The following BRF1 variants were observed in gnomAD, a reference collection of about 807,000 sequenced individuals.
The protein encoded by BRF1 is transcription factor IIIB 90 kDa subunit.
A neutral mutation model predicts 81.7 loss-of-function variants in BRF1; 59 were observed. That is an observed-to-expected ratio of 0.72 (90% CI 0.59 to 0.90). The LOEUF (loss-of-function observed/expected upper bound fraction) is 0.90, where lower values mean the gene tolerates loss of function less well. Among genes scored for constraint, BRF1 ranks in the 40% least tolerant of loss-of-function variants. BRF1 has a pLI of 0.00. For missense variants in BRF1, 1,050 were observed against 936.3 expected (o/e 1.12, Z -1.58); for synonymous variants, 491 against 395.6 (o/e 1.24, Z -2.86).
chr14:105,212,089 C>A, intron 16 of BRF1, 24 bp downstream of exon 16: 2 of 1,611,122 alleles, frequency 1.2e-6, no homozygotes, highest in Non-Finnish European at 1.7e-6. Context: ...GGTCTCCCTG[C>A]CCTGGCTGCG....
At chr14:105,301,265 C>T (rs941154872), upstream of BRF1, 8 of 148,668 alleles carry the variant, frequency 5.4e-5, no homozygotes, top group African/African-American at 1.5e-4. Context: ...TGAGCGCGGT[C>T]TCCAGCGGCG....
At chr14:105,260,390 G>A (rs923373957) in intron 3 of BRF1, among the ~76,000 whole-genome samples, 7 of 150,756 alleles carry the variant, frequency 4.6e-5, no homozygotes, top group Non-Finnish European at 7.4e-5. Flanking sequence ...TTTTTTTCCC[G>A]AGATGAAGTC....
intron 5 of BRF1, chr14:105,250,015 CA>C: frequency 1.2e-6 from 2 of 1,612,918 alleles, no homozygotes; most frequent in Non-Finnish European, 8.5e-7. Flanking sequence ...GGCTGCCAAT[CA>C]CCCCACGAAA....
chr14:105,254,150 G>A (rs991417527), intron 4 of BRF1, among the ~76,000 whole-genome samples: 1 of 152,226 alleles, frequency 6.6e-6, no homozygotes. Context: ...CAGAGACACA[G>A]GGATCAATGA....
chr14:105,296,269 A>G (rs2057740172), intron 1 of BRF1, among the ~76,000 whole-genome samples: 2 of 152,112 alleles, frequency 1.3e-5, no homozygotes, highest in South Asian at 4.1e-4. Flanking sequence ...TCACACCTGT[A>G]ATCCCAGGAC....
chr14:105,210,504 AC>A lies in BRF1; in HGVS notation c.*46del, dbSNP rs1682159417. 4 of 1,601,832 alleles carry A rather than the reference AC, an allele frequency of 2.5e-6. 1 individual carries two copies. The Admixed American group carries it at 6.7e-5, about 27-fold the overall frequency. On this transcript the variant is annotated 3_prime_UTR_variant, in exon 18 of 18. Transcript: ENST00000547530. The surrounding 1 kb of genome is among the most constrained non-coding windows in gnomAD (Gnocchi z 4.7). Reference sequence around the variant, plus strand: ...TGGAAGCCCGTCTGATGCTGAGGAGACCCGCGAGGCCCCCTGCCAGGACATC... The same window carrying A: ...TGGAAGCCCGTCTGATGCTGAGGAGACCGCGAGGCCCCCTGCCAGGACATC...
Position 105,220,083 on chromosome 14 carries a change from G to C in BRF1, c.1363C>G (p.Leu455Val). The C allele has an allele frequency of 6.2e-7, 1 of 1,613,166 alleles. No homozygotes were observed. The highest frequency in any genetic ancestry group is 2.2e-5 in the East Asian group (1 of 44,876). Residue 455 changes from leucine to valine, a missense_variant, in exon 12 of 18, where the codon CTG (leucine) becomes GTG (valine). By Grantham distance (32) the Leu-to-Val change is conservative. Coordinates refer to ENST00000547530, the MANE Select transcript of BRF1 (RefSeq NM_001519.4). ...GELDLSGIDD[L>V]EIDRYILNES... ...CTGCCACGTACCCTGTCAATCTCCA[G>C]GTCATCAATGCCACTGAGGTCCAGC...
At chr14:105,224,816 A>C (rs1278616495) in intron 10 of BRF1, among the ~76,000 whole-genome samples, 1 of 152,158 alleles carries the variant, frequency 6.6e-6, no homozygotes, top group Non-Finnish European at 1.5e-5. Flanking sequence ...AAGTGCTGCG[A>C]TTACAGGCAT....
rs1891366009 is a variant in BRF1 at position 105,216,682 on chromosome 14, C to T, written c.1772+862G>A. 2.0e-5 allele frequency among the ~76,000 whole-genome samples: 3 copies of T among 152,204 alleles called. No individual in the cohort carries two copies. In the South Asian group the frequency reaches 6.2e-4, roughly 31 times the overall value. On this transcript the variant is annotated intron_variant, in intron 15 of 17. Coordinates refer to ENST00000547530, the MANE Select transcript of BRF1 (RefSeq NM_001519.4). Reference sequence around the variant, plus strand: ...TCAAAAGGCCAAGGAGAAACCACCGCAAATACCGCAAACAACAGGAGGCCC... The same window carrying T: ...TCAAAAGGCCAAGGAGAAACCACCGTAAATACCGCAAACAACAGGAGGCCC...
In BRF1 at chr14:105,228,900, T is replaced by C. The variant is rs760922785; in HGVS notation, c.708A>G (p.Ala236=). The change falls in exon 7 of 18, where the codon GCA becomes GCG. Residue 236 remains alanine, a synonymous_variant. Coordinates refer to ENST00000547530, the MANE Select transcript of BRF1 (RefSeq NM_001519.4). The part of the protein sequence containing the change: ...SGLCGAALLV[A]ARMHDFRRTV... ...TCCTCCTGAAGTCATGCATTCTGGC[T>C]GCAACCAGGAGCGCTGGAAGGCAAC... is the stretch of plus-strand genomic sequence containing the variant. 3.1e-6 allele frequency: 5 copies of C among 1,613,564 alleles called. No homozygotes were observed. The highest frequency in any genetic ancestry group is 1.1e-5 in the South Asian group (1 of 91,094).
intron 8 of BRF1, 113 bp from the exon 9 acceptor site, chr14:105,226,403 G>A (rs1010781161): frequency 1.0e-4 from 156 of 1,499,420 alleles, no homozygotes; most frequent in Non-Finnish European, 1.4e-4. Context: ...TTAGGGGTAC[G>A]CAGCGATGGA....
At chr14:105,261,203 C>T (rs2056134943) in intron 3 of BRF1, among the ~76,000 whole-genome samples, 1 of 152,248 alleles carries the variant, frequency 6.6e-6, no homozygotes, top group South Asian at 2.1e-4. Flanking sequence ...CTCGGTGCAG[C>T]TGAGTGCCAG....
At chr14:105,228,795 C>T (rs770225268) in intron 7 of BRF1, 25 bp downstream of exon 7, 6 of 1,612,846 alleles carry the variant, frequency 3.7e-6, no homozygotes, top group Admixed American at 1.7e-5. Flanking sequence ...GTGTGGTCCC[C>T]ATGCCATGAA....
At chr14:105,252,694 G>T (rs760264300) in intron 4 of BRF1, 115 bp from the exon 5 acceptor site, 1 of 1,131,982 alleles carries the variant, frequency 8.8e-7, no homozygotes, top group Non-Finnish European at 1.2e-6. Context: ...GGCCCGTGGA[G>T]CAGCCACCCC....
chr14:105,229,527 T>A (rs587739385), intron 6 of BRF1, among the ~76,000 whole-genome samples: 41 of 152,262 alleles, frequency 2.7e-4, no homozygotes, highest in Non-Finnish European at 4.6e-4. Context: ...CTGGGGTAGT[T>A]GACCAGGCCA....
chr14:105,270,559 C>T (rs1158411659), intron 3 of BRF1, among the ~76,000 whole-genome samples: 2 of 151,940 alleles, frequency 1.3e-5, no homozygotes, highest in African/African-American at 2.4e-5. Context: ...GAGGCCAGGG[C>T]GGGTGGATCA....
At chr14:105,219,979 G>A in intron 12 of BRF1, 90 bp downstream of exon 12, 1 of 1,495,044 alleles carries the variant, frequency 6.7e-7, no homozygotes, top group Non-Finnish European at 9.2e-7. Context: ...GGCAGGGGAG[G>A]TGGCCAACCC....
intron 8 of BRF1, 59 bp downstream of exon 8, chr14:105,226,575 T>C: frequency 1.2e-6 from 2 of 1,606,732 alleles, no homozygotes; most frequent in South Asian, 1.1e-5. Flanking sequence ...AGTCGGGGTG[T>C]GTGGCTTCCC....
intron 1 of BRF1, 25 bp from the exon 2 acceptor site, chr14:105,286,401 C>G (rs771249645): frequency 2.5e-6 from 4 of 1,604,394 alleles, no homozygotes; most frequent in Middle Eastern, 1.7e-4. Flanking sequence ...AAAGACAGAT[C>G]AGCCAAAACT....
Sources: allele counts gnomAD v4.1 joint callset (sites outside exome capture counted in the v4.1 genomes callset), GRCh38; gene constraint gnomAD v4.1.1; non-coding constraint Gnocchi (gnomAD v3.1); transcripts MANE v1.5; gene names NCBI Gene and HGNC (gene_info 2026-07-23, HGNC 2026-07-21).